The following PRKCSH variants were observed in gnomAD, a reference collection of about 807,000 sequenced individuals.
PRKCSH encodes the protein glucosidase 2 subunit beta.
In PRKCSH, 42 loss-of-function variants were observed where a neutral mutation model predicts 79.7. That is an observed-to-expected ratio of 0.53 (90% CI 0.41 to 0.68). PRKCSH has a LOEUF of 0.68. PRKCSH is among the 30% of genes least tolerant of loss of function. PRKCSH has a pLI of 0.00. For missense variants in PRKCSH, 686 were observed against 709.0 expected, an observed-to-expected ratio of 0.97 and a Z score of 0.37; for synonymous variants, 325 against 288.2, an observed-to-expected ratio of 1.13 and a Z score of -1.29.
Position 11,447,577 on chromosome 19 carries a change from G to A in PRKCSH, c.988G>A (p.Glu330Lys), listed in dbSNP as rs1397015529. ...GGAGGAAGAAGAGGCTGAAGAAGAG[G>A]AGGAGGAGGAGGATTCCGAGGTGCA... The part of the protein sequence containing the change: ...EEEEEEAEEE[E>K]EEEDSEVQGE... The change falls in exon 11 of 18, where the codon GAG (glutamate) becomes AAG (lysine). Residue 330 changes from glutamate to lysine, a missense_variant. Physicochemically the swap from Glu to Lys is moderately conservative, Grantham distance 56. Transcript: ENST00000677123. This position sits in a 1 kb window ranked among gnomAD's most constrained non-coding sequence, Gnocchi z 5.6. 18 of 1,598,338 alleles carry A rather than the reference G, an allele frequency of 1.1e-5. No individual in the cohort carries two copies. Among genetic ancestry groups the A allele is most frequent in the Non-Finnish European group, 1.4e-5 (17 of 1,172,754 alleles).
In PRKCSH at chr19:11,448,439, G is replaced by A. The variant is rs890297662; in HGVS notation, c.1197-101G>A. ...TCCCTGGGAGGTGGCAGGGAGGACA[G>A]CCTGGGCACCATTGCTCAGCCAGAC... On this transcript the variant is annotated intron_variant, in intron 13 of 17. Transcript: ENST00000677123. This position sits in a 1 kb window ranked among gnomAD's most constrained non-coding sequence, Gnocchi z 4.4. 1.1e-5 allele frequency: 16 copies of A among 1,455,998 alleles called. No individual in the cohort carries two copies. The highest frequency in any genetic ancestry group is 1.5e-5 in the Non-Finnish European group (16 of 1,042,010). The allele number at this position is 1,455,998 out of a possible 1,614,324, so 90.2% of individuals were successfully genotyped here. A position where few individuals can be genotyped will look rare whatever the true frequency, so the allele number is the denominator to read the frequency against.
In PRKCSH at chr19:11,449,165, G is replaced by T. The variant is rs758421063; in HGVS notation, c.1451G>T (p.Arg484Leu). 3 of 1,613,688 alleles carry T rather than the reference G, an allele frequency of 1.9e-6. No homozygotes were observed. Among genetic ancestry groups the T allele is most frequent in the Non-Finnish European group, 2.5e-6 (3 of 1,180,026 alleles). The change falls in exon 16 of 18, where the codon CGC (arginine) becomes CTC (leucine). Residue 484 changes from arginine (R) to leucine (L), a missense_variant. Physicochemically the swap from Arg to Leu is moderately radical, Grantham distance 102. This residue lies in a region of PRKCSH where 137 missense variants were observed against 188.8 expected (regional missense o/e 0.73). Coordinates refer to ENST00000677123, the MANE Select transcript of PRKCSH (RefSeq NM_001289104.2). This position sits in a 1 kb window ranked among gnomAD's most constrained non-coding sequence, Gnocchi z 6.4. ...QGTGCWQGPN[R>L]STTVRLLCGK... ...ACGGGCTGCTGGCAGGGCCCCAACC[G>T]CTCCACCACCGTGAGTGCCTGCAAG...
At chr19:11,438,028 C>T (rs751963162) in intron 4 of PRKCSH, 39 bp from the exon 5 acceptor site, 34 of 1,613,856 alleles carry the variant, frequency 2.1e-5, no homozygotes, top group Non-Finnish European at 2.8e-5. Context: ...AGGGAGGAGG[C>T]ACTGCCAGGT....
Position 11,447,241 on chromosome 19 carries a change from TCTGGCAC to T in PRKCSH, c.849+87_849+93del. Reference sequence around the variant, plus strand: ...GCCTCACAAAGGAGCTGCCTCTGGTTCTGGCACCTGGCCACCCTGGCCAGCTGGGTGG... The same window carrying T: ...GCCTCACAAAGGAGCTGCCTCTGGTTCTGGCCACCCTGGCCAGCTGGGTGG... On this transcript the variant is annotated intron_variant, in intron 10 of 17. Coordinates refer to ENST00000677123, the MANE Select transcript of PRKCSH (RefSeq NM_001289104.2). This position sits in a 1 kb window ranked among gnomAD's most constrained non-coding sequence, Gnocchi z 5.6. The T allele has an allele frequency of 6.6e-7, 1 of 1,526,112 alleles. No individual in the cohort carries two copies. The highest frequency in any genetic ancestry group is 9.0e-7 in the Non-Finnish European group (1 of 1,112,818). 94.5% of individuals were successfully genotyped at this position (1,526,112 alleles called of 1,614,324 possible).
chr19:11,441,464 A>C (rs144308478), intron 6 of PRKCSH, 107 bp downstream of exon 6: 263 of 1,011,276 alleles, frequency 2.6e-4, no homozygotes, highest in Non-Finnish European at 3.9e-4. Context: ...GTTCTGGGGC[A>C]AGTGACTGCC....
intron 7 of PRKCSH, among the ~76,000 whole-genome samples, chr19:11,443,003 C>T (rs1358341795): frequency 1.3e-5 from 2 of 152,186 alleles, no homozygotes; most frequent in South Asian, 2.1e-4. Flanking sequence ...CTCGCCCGGC[C>T]GCCTACTTCC....
At chr19:11,442,597 G>C (rs193047996) in intron 7 of PRKCSH, 82 bp downstream of exon 7, 2 of 1,557,156 alleles carry the variant, frequency 1.3e-6, no homozygotes, top group Admixed American at 1.9e-5. Flanking sequence ...CTCATTATCT[G>C]TTGTCAGTTT....
In PRKCSH at chr19:11,450,898, C is replaced by G. The variant is rs1025225075; in HGVS notation, c.*269C>G. The G allele has an allele frequency of 2.0e-5, 3 of 152,376 alleles. No homozygotes were observed. The highest frequency in any genetic ancestry group is 7.2e-5 in the African/African-American group (3 of 41,470). The allele number at this position is 152,376 out of a possible 1,614,324, so 9.4% of individuals were successfully genotyped here. A position where few individuals can be genotyped will look rare whatever the true frequency, so the allele number is the denominator to read the frequency against. On this transcript the variant is annotated 3_prime_UTR_variant, in exon 18 of 18. Transcript: ENST00000677123. ...CCACCCCCAGCCCTGTCCCTGCCAC[C>G]CCTCCTAGTGGGGACTAGTGAATGA...
At chr19:11,442,297 T>G in intron 6 of PRKCSH, 89 bp from the exon 7 acceptor site, 1 of 1,489,436 alleles carries the variant, frequency 6.7e-7, no homozygotes, top group Non-Finnish European at 9.1e-7. Context: ...ATCTCCCTGC[T>G]GCCCTGTGGA....
intron 17 of PRKCSH, among the ~76,000 whole-genome samples, chr19:11,450,148 C>G (rs1970538287): frequency 6.6e-6 from 1 of 151,544 alleles, no homozygotes; most frequent in Non-Finnish European, 1.5e-5. Flanking sequence ...CTGGCCATCC[C>G]CTGCTTTTTA....
rs1247269392 is a variant in PRKCSH at position 11,448,672 on chromosome 19, G to A, written c.1286+43G>A. 6.3e-7 allele frequency: 1 copy of A among 1,576,926 alleles called. No homozygotes were observed. Among genetic ancestry groups the A allele is most frequent in the Non-Finnish European group, 8.7e-7 (1 of 1,146,624 alleles). On this transcript the variant is annotated intron_variant, in intron 14 of 17. Coordinates refer to ENST00000677123, the MANE Select transcript of PRKCSH (RefSeq NM_001289104.2). The surrounding 1 kb of genome is among the most constrained non-coding windows in gnomAD (Gnocchi z 4.4). ...AGGGGCCCCCACTGGCAGGGTGGGA[G>A]GCGGGTGGCCCCGGAAGTGGCACCG... is the stretch of plus-strand genomic sequence containing the variant.
chr19:11,442,252 G>C, intron 6 of PRKCSH, 134 bp from the exon 7 acceptor site: 5 of 1,333,764 alleles, frequency 3.7e-6, no homozygotes, highest in Non-Finnish European at 5.1e-6. Flanking sequence ...ACCCCAGCTC[G>C]GGAGAGAGAC....
At position 11,435,635 on chromosome 19, in the gene PRKCSH, C is replaced by G; in HGVS notation, c.-149C>G. The G allele has an allele frequency of 8.0e-7, 1 of 1,250,498 alleles. No homozygotes were observed. The highest frequency in any genetic ancestry group is 1.0e-6 in the Non-Finnish European group (1 of 952,742). The allele number at this position is 1,250,498 out of a possible 1,614,324, so 77.5% of individuals were successfully genotyped here. On this transcript the variant is annotated 5_prime_UTR_variant, in exon 1 of 18. Transcript: ENST00000677123. Reference sequence around the variant, plus strand: ...GACGGGGTCCAGAAATTTCCGCTTTCTTTCTGCAGCAGGAACCGCGGCTGC... The same window carrying G: ...GACGGGGTCCAGAAATTTCCGCTTTGTTTCTGCAGCAGGAACCGCGGCTGC...
At chr19:11,438,399 C>T (rs1969883704) in intron 5 of PRKCSH, among the ~76,000 whole-genome samples, 1 of 152,146 alleles carries the variant, frequency 6.6e-6, no homozygotes, top group South Asian at 2.1e-4. Context: ...GGACTCTAAA[C>T]TTTCCATTGT....
In PRKCSH at chr19:11,445,286, C is replaced by T. The variant is rs1970241072; in HGVS notation, c.599-103C>T. Reference sequence around the variant, plus strand: ...CGTGTCCTCAGGGTCCAGCATGGGGCCAGGCATATAGTAGGCGCTTGGTGG... The same window carrying T: ...CGTGTCCTCAGGGTCCAGCATGGGGTCAGGCATATAGTAGGCGCTTGGTGG... On this transcript the variant is annotated intron_variant, in intron 7 of 17. Transcript: ENST00000677123. The T allele has an allele frequency of 2.9e-6, 3 of 1,050,810 alleles. 1 individual carries two copies. The highest frequency in any genetic ancestry group is 2.5e-5 in the South Asian group (2 of 78,730). 65.1% of individuals were successfully genotyped at this position (1,050,810 alleles called of 1,614,324 possible).
At chr19:11,437,383 C>T (rs1359121039) in intron 3 of PRKCSH, among the ~76,000 whole-genome samples, 1 of 141,870 alleles carries the variant, frequency 7.0e-6, no homozygotes, top group Non-Finnish European at 1.5e-5. Context: ...TGGAGTTTCA[C>T]TCTTATCGCC....
rs1969742086 is a variant in PRKCSH, at chr19:11,436,369, G to GT, written c.80-20_80-19insT. ...AGAAGGCGCTTACCTGCCCTGGGCT[G>GT]AGCTTCCTGTACCCCGCAGATCATC... On this transcript the variant is annotated intron_variant, in intron 2 of 17. Coordinates refer to ENST00000677123, the MANE Select transcript of PRKCSH (RefSeq NM_001289104.2). 6.2e-7 allele frequency: 1 copy of GT among 1,612,014 alleles called. No individual in the cohort carries two copies. Among genetic ancestry groups the GT allele is most frequent in the Non-Finnish European group, 8.5e-7 (1 of 1,178,042 alleles).
rs1409990067 is a variant in PRKCSH at position 11,438,061 on chromosome 19, CCA to C, written c.293-3_293-2del. The C allele has an allele frequency of 1.2e-6, 2 of 1,613,958 alleles. No homozygotes were observed. The highest frequency in any genetic ancestry group is 1.3e-5 in the African/African-American group (1 of 74,918). ...GGTCTGATCTTGGCTTCTGCCTCTG[CCA>C]CAGACTGCTGCGATGGAACAGACGA... On this transcript the variant is annotated splice_region_variant and splice_polypyrimidine_tract_variant and intron_variant, in intron 4 of 17. Coordinates refer to ENST00000677123, the MANE Select transcript of PRKCSH (RefSeq NM_001289104.2).
At chr19:11,435,809 G>T in intron 1 of PRKCSH, 103 bp downstream of exon 1, 2 of 1,402,472 alleles carry the variant, frequency 1.4e-6, no homozygotes, top group Non-Finnish European at 1.9e-6. Context: ...AATCCCTTTG[G>T]TCTGTTGGCG....
Sources: allele counts gnomAD v4.1 joint callset (sites outside exome capture counted in the v4.1 genomes callset), GRCh38; gene constraint gnomAD v4.1.1; regional missense constraint gnomAD v4.1.1; non-coding constraint Gnocchi (gnomAD v3.1); transcripts MANE v1.5; gene names NCBI Gene and HGNC (gene_info 2026-07-23, HGNC 2026-07-21).